The following MAF variants were observed in gnomAD, a reference collection of about 807,000 sequenced individuals.
MAF encodes the protein MAF bZIP transcription factor.
In MAF, 10 loss-of-function variants were observed where a neutral mutation model predicts 22.0. That is an observed-to-expected ratio of 0.45 (90% CI 0.28 to 0.77). MAF has a LOEUF of 0.77. Ranked by LOEUF, MAF falls within the 30% of genes least tolerant of loss-of-function variation. The pLI, the probability that MAF is intolerant of heterozygous loss-of-function variation, is 0.12. For synonymous variants in MAF, 337 were observed against 255.8 expected, an observed-to-expected ratio of 1.32 and a Z score of -3.03; for missense variants, 544 against 548.4, an observed-to-expected ratio of 0.99 and a Z score of 0.08.
chr16:79,520,968 G>A, the MAF span, among the ~76,000 whole-genome samples: 1 of 152,144 alleles, frequency 6.6e-6, no homozygotes, highest in East Asian at 1.9e-4. Flanking sequence ...ATAAACTGAG[G>A]CTCAGAGAGT....
At chr16:79,430,888 A>C in the MAF span, among the ~76,000 whole-genome samples, 1 of 152,184 alleles carries the variant, frequency 6.6e-6, no homozygotes, top group Non-Finnish European at 1.5e-5. Flanking sequence ...AAAGTAAATG[A>C]CACTTTGCAT....
chr16:79,275,187 C>A, the MAF span, among the ~76,000 whole-genome samples: 1 of 152,084 alleles, frequency 6.6e-6, no homozygotes, highest in Admixed American at 6.5e-5. Flanking sequence ...GAAATCTTGT[C>A]TCTACTAAAA....
chr16:79,234,347 T>G, the MAF span, among the ~76,000 whole-genome samples: 1 of 152,104 alleles, frequency 6.6e-6, no homozygotes, highest in Non-Finnish European at 1.5e-5. Flanking sequence ...AGCAATAGCT[T>G]GATAATACAC....
chr16:79,341,231 T>C, the MAF span, among the ~76,000 whole-genome samples: 1 of 152,172 alleles, frequency 6.6e-6, no homozygotes, highest in Non-Finnish European at 1.5e-5. Context: ...CAATGTAGTG[T>C]GGGTAGGTGC....
At chr16:79,385,524 T>G in the MAF span, among the ~76,000 whole-genome samples, 1 of 152,256 alleles carries the variant, frequency 6.6e-6, no homozygotes, top group African/African-American at 2.4e-5. Context: ...TACGCAAGCA[T>G]GCGTCTACTT....
the MAF span, among the ~76,000 whole-genome samples, chr16:79,334,535 G>A: frequency 6.6e-6 from 1 of 152,150 alleles, no homozygotes; most frequent in African/African-American, 2.4e-5. Flanking sequence ...ATAATTCATT[G>A]ATCTTAGGAT....
the MAF span, among the ~76,000 whole-genome samples, chr16:79,358,206 A>G: frequency 6.6e-6 from 1 of 152,180 alleles, no homozygotes; most frequent in Non-Finnish European, 1.5e-5. Flanking sequence ...AATGAGAGCT[A>G]AGACTTCTGG....
the MAF span, among the ~76,000 whole-genome samples, chr16:79,322,224 C>T: frequency 6.6e-6 from 1 of 152,104 alleles, no homozygotes; most frequent in Non-Finnish European, 1.5e-5. Context: ...CAGAGTGAGA[C>T]TTCACCTCAA....
the MAF span, among the ~76,000 whole-genome samples, chr16:79,466,567 T>G: frequency 6.6e-6 from 1 of 152,242 alleles, no homozygotes; most frequent in Non-Finnish European, 1.5e-5. Context: ...TTCCTCAGGT[T>G]GGCACCTTCA....
chr16:79,524,530 G>A, the MAF span, among the ~76,000 whole-genome samples: 1 of 152,190 alleles, frequency 6.6e-6, no homozygotes, highest in Non-Finnish European at 1.5e-5. Flanking sequence ...AGGTTTCTAG[G>A]AACAGCAGCA....
the MAF span, among the ~76,000 whole-genome samples, chr16:79,445,059 A>G: frequency 1.3e-5 from 2 of 152,088 alleles, no homozygotes; most frequent in Non-Finnish European, 2.9e-5. Flanking sequence ...TTTGAGACGG[A>G]GTCTCACTCT....
At chr16:79,426,002 C>T in the MAF span, among the ~76,000 whole-genome samples, 2 of 152,114 alleles carry the variant, frequency 1.3e-5, no homozygotes, top group African/African-American at 2.4e-5. Flanking sequence ...ATCAGGAGAT[C>T]GAGACCATCC....
At chr16:79,438,467 G>C in the MAF span, among the ~76,000 whole-genome samples, 1 of 152,208 alleles carries the variant, frequency 6.6e-6, no homozygotes, top group Non-Finnish European at 1.5e-5. Flanking sequence ...GCCTGGAGGA[G>C]GCTGCGGAGA....
At chr16:79,321,766 T>C in the MAF span, among the ~76,000 whole-genome samples, 1 of 146,702 alleles carries the variant, frequency 6.8e-6, no homozygotes, top group Admixed American at 7.0e-5. Flanking sequence ...TTCTCCTGCC[T>C]CAGCCTCCCT....
chr16:79,380,034 C>G, the MAF span, among the ~76,000 whole-genome samples: 1 of 152,192 alleles, frequency 6.6e-6, no homozygotes, highest in African/African-American at 2.4e-5. Flanking sequence ...CGCACACTCC[C>G]TTCTCAGGCA....
At chr16:79,598,728 C>A in intron 1 of MAF, 57 bp downstream of exon 1, 2 of 1,610,330 alleles carry the variant, frequency 1.2e-6, no homozygotes, top group South Asian at 1.1e-5. Flanking sequence ...ACACCCGAGC[C>A]GGACCCCCGC....
At chr16:79,594,715 A>AG in intron 1 of MAF, 162 bp from the exon 2 acceptor site, 1 of 1,435,740 alleles carries the variant, frequency 7.0e-7, no homozygotes, top group Non-Finnish European at 9.1e-7. Context: ...TTTGTAAGAA[A>AG]AAAAAAACAT....
chr16:79,240,487 G>GAAAAA, the MAF span, among the ~76,000 whole-genome samples: 38 of 60,728 alleles, frequency 6.3e-4, 7 homozygotes, highest in Non-Finnish European at 1.0e-3. Context: ...AGCATCTCTG[G>GAAAAA]AAAAAAAAAA....
chr16:79,408,121 A>C, the MAF span, among the ~76,000 whole-genome samples: 1 of 135,138 alleles, frequency 7.4e-6, no homozygotes, highest in African/African-American at 2.7e-5. Context: ...TGGTGGAGGG[A>C]TGGTTAAAAG....
Sources: gnomAD v4.1 joint callset for allele counts (sites outside exome capture counted in the v4.1 genomes callset) on GRCh38, gnomAD v4.1.1 for gene constraint, MANE v1.5 for transcripts, NCBI Gene and HGNC (gene_info 2026-07-23, HGNC 2026-07-21) for gene names.